Variants in ROBO1 observed in about 807,000 individuals in gnomAD.
ROBO1 encodes roundabout guidance receptor 1.
Under a neutral mutation model 195.9 loss-of-function variants are expected in ROBO1, and 149 were observed. The ratio of observed to expected loss-of-function variants is 0.76; its 90% CI spans 0.67 to 0.87. The LOEUF (loss-of-function observed/expected upper bound fraction) is 0.87. Among genes scored for constraint, ROBO1 ranks in the 40% least tolerant of loss-of-function variants. The pLI is 0.00. For synonymous variants in ROBO1, 816 were observed against 733.2 expected (o/e 1.11, Z -1.82); for missense variants, 1,933 against 2,068.3 (o/e 0.93, Z 1.27).
At chr3:79,732,578 A>C (rs1703198826) in intron 1 of ROBO1, among the ~76,000 whole-genome samples, 1 of 152,076 alleles carries the variant, frequency 6.6e-6, no homozygotes, top group Non-Finnish European at 1.5e-5. Context: ...ATTTGAGTCC[A>C]TTTCCATTTT....
intron 2 of ROBO1, among the ~76,000 whole-genome samples, chr3:79,126,746 C>T (rs574764907): frequency 1.1e-3 from 160 of 152,258 alleles, no homozygotes; most frequent in African/African-American, 3.8e-3. Flanking sequence ...TATGGCTGAG[C>T]CAGTGAGTAC....
chr3:78,746,105 C>A (rs1185585379), intron 5 of ROBO1, among the ~76,000 whole-genome samples: 2 of 152,012 alleles, frequency 1.3e-5, no homozygotes, highest in Non-Finnish European at 2.9e-5. Flanking sequence ...CAAGACAAAA[C>A]AAACAAAGAA....
chr3:79,636,558 A>C (rs1168612013), intron 1 of ROBO1, among the ~76,000 whole-genome samples: 1 of 152,134 alleles, frequency 6.6e-6, no homozygotes, highest in Non-Finnish European at 1.5e-5. Flanking sequence ...GCTTCCGATG[A>C]CAACCCCTCA....
At chr3:78,904,933 T>A (rs948337174) in intron 4 of ROBO1, among the ~76,000 whole-genome samples, 2 of 152,010 alleles carry the variant, frequency 1.3e-5, no homozygotes, top group Non-Finnish European at 2.9e-5. Context: ...TATACCAATA[T>A]CATGGAATCA....
At chr3:79,356,375 A>G (rs1249039825) in intron 2 of ROBO1, among the ~76,000 whole-genome samples, 2 of 152,206 alleles carry the variant, frequency 1.3e-5, no homozygotes, top group East Asian at 3.8e-4. Flanking sequence ...TTTTATTTTA[A>G]CAGAGATGAT....
chr3:78,807,266 CT>C (rs1290654459), intron 4 of ROBO1, among the ~76,000 whole-genome samples: 3 of 152,084 alleles, frequency 2.0e-5, no homozygotes, highest in African/African-American at 7.2e-5. Flanking sequence ...TACTATTTTT[CT>C]CTTTAACAAA....
At chr3:78,946,942 G>C (rs1474990562) in intron 3 of ROBO1, among the ~76,000 whole-genome samples, 2 of 152,134 alleles carry the variant, frequency 1.3e-5, no homozygotes, top group Non-Finnish European at 1.5e-5. Context: ...TTACATAATG[G>C]TAGAGGGATC....
chr3:78,931,384 T>G (rs1421507736), intron 4 of ROBO1, among the ~76,000 whole-genome samples: 2 of 151,644 alleles, frequency 1.3e-5, no homozygotes, highest in Non-Finnish European at 2.9e-5. Flanking sequence ...GTAGCTGGGA[T>G]TACAGGCATG....
At chr3:79,218,075 A>G (rs770261676) in intron 2 of ROBO1, among the ~76,000 whole-genome samples, 11 of 151,924 alleles carry the variant, frequency 7.2e-5, no homozygotes, top group Non-Finnish European at 1.5e-4. Flanking sequence ...AAACAGAAAA[A>G]TGCTATGTAG....
intron 1 of ROBO1, among the ~76,000 whole-genome samples, chr3:79,664,817 A>G (rs1048454246): frequency 6.6e-6 from 1 of 151,968 alleles, no homozygotes; most frequent in Non-Finnish European, 1.5e-5. Flanking sequence ...TAAATATTCA[A>G]TGCCTTCCGG....
At chr3:78,865,283 C>T (rs2035098264) in intron 4 of ROBO1, among the ~76,000 whole-genome samples, 1 of 152,146 alleles carries the variant, frequency 6.6e-6, no homozygotes, top group Non-Finnish European at 1.5e-5. Flanking sequence ...ATAAATGTCA[C>T]AGCAATACTT....
chr3:79,669,488 C>T (rs1946569834), intron 1 of ROBO1, among the ~76,000 whole-genome samples: 1 of 151,736 alleles, frequency 6.6e-6, no homozygotes, highest in South Asian at 2.1e-4. Context: ...ACACAAATAC[C>T]ATTGGGTTAT....
chr3:79,125,354 G>A (rs1295055205), intron 3 of ROBO1, 102 bp downstream of exon 3: 13 of 912,530 alleles, frequency 1.4e-5, no homozygotes, highest in Admixed American at 2.1e-5. Flanking sequence ...GTTGTTAGCT[G>A]GAAGCAGGGA....
intron 26 of ROBO1, among the ~76,000 whole-genome samples, chr3:78,625,194 G>T (rs2107462496): frequency 6.6e-6 from 1 of 152,306 alleles, no homozygotes; most frequent in Admixed American, 6.5e-5. Flanking sequence ...TGCCCTAGCA[G>T]CTGTAGGAAT....
chr3:78,720,213 C>T (rs1313189347), intron 5 of ROBO1, among the ~76,000 whole-genome samples: 3 of 152,160 alleles, frequency 2.0e-5, no homozygotes, highest in African/African-American at 7.2e-5. Context: ...TGTTACAATG[C>T]CTTGTAAATA....
intron 1 of ROBO1, among the ~76,000 whole-genome samples, chr3:79,690,806 G>A (rs1947276662): frequency 6.6e-6 from 1 of 151,732 alleles, no homozygotes; most frequent in South Asian, 2.1e-4. Flanking sequence ...GATCTCAGGT[G>A]CTCCATCTCT....
At chr3:78,709,026 G>A (rs1267856249) in intron 8 of ROBO1, among the ~76,000 whole-genome samples, 1 of 152,134 alleles carries the variant, frequency 6.6e-6, no homozygotes, top group Non-Finnish European at 1.5e-5. Context: ...TGAAAGAAAG[G>A]TATGTAGATA....
At chr3:79,088,045 A>G (rs758993903) in intron 3 of ROBO1, among the ~76,000 whole-genome samples, 6 of 152,102 alleles carry the variant, frequency 3.9e-5, no homozygotes, top group Non-Finnish European at 8.8e-5. Context: ...GTCATGGTGA[A>G]CAATAGCATC....
intron 21 of ROBO1, among the ~76,000 whole-genome samples, chr3:78,640,665 T>G (rs1330630837): frequency 6.6e-6 from 1 of 152,206 alleles, no homozygotes; most frequent in Non-Finnish European, 1.5e-5. Context: ...CATCAGCGAT[T>G]ATTAATGGGA....
Sources: gnomAD v4.1 joint callset for allele counts (sites outside exome capture counted in the v4.1 genomes callset) on GRCh38, gnomAD v4.1.1 for gene constraint, MANE v1.5 for transcripts, NCBI Gene and HGNC (gene_info 2026-07-23, HGNC 2026-07-21) for gene names.